Variants in KIF18A observed in about 807,000 individuals in gnomAD.
KIF18A encodes the protein kinesin-like protein KIF18A.
In KIF18A, 67 loss-of-function variants were observed where a neutral mutation model predicts 103.3. The ratio of observed to expected loss-of-function variants is 0.65; its 90% CI spans 0.53 to 0.79. The LOEUF is 0.79. Among genes scored for constraint, KIF18A ranks in the 30% least tolerant of loss-of-function variants. KIF18A has a pLI of 0.00. For missense variants in KIF18A, 1,032 were observed against 1,062.5 expected, an observed-to-expected ratio of 0.97 and a Z score of 0.40; for synonymous variants, 367 against 355.5, an observed-to-expected ratio of 1.03 and a Z score of -0.36.
intron 13 of KIF18A, among the ~76,000 whole-genome samples, chr11:28,039,914 A>G (rs374268032): frequency 6.6e-6 from 1 of 151,728 alleles, no homozygotes; most frequent in Admixed American, 6.6e-5. Context: ...CTCAATTATT[A>G]AGTTCAGATA....
At chr11:28,040,369 G>A (rs886577846) in intron 13 of KIF18A, among the ~76,000 whole-genome samples, 1 of 151,628 alleles carries the variant, frequency 6.6e-6, no homozygotes, top group Non-Finnish European at 1.5e-5. Context: ...AGAAGAGCAG[G>A]CATGGGACAG....
intron 11 of KIF18A, among the ~76,000 whole-genome samples, chr11:28,065,126 G>T (rs1338163052): frequency 6.6e-6 from 1 of 152,022 alleles, no homozygotes; most frequent in Non-Finnish European, 1.5e-5. Context: ...AAGAGAAGTG[G>T]ATAGATTCAG....
At chr11:28,075,216 C>A (rs1030670353) in intron 10 of KIF18A, among the ~76,000 whole-genome samples, 2 of 152,066 alleles carry the variant, frequency 1.3e-5, no homozygotes, top group Non-Finnish European at 2.9e-5. Context: ...CTTTATCCTG[C>A]ATTTGGTGTA....
At chr11:28,028,191 A>G (rs1178225320) in intron 15 of KIF18A, among the ~76,000 whole-genome samples, 1 of 152,086 alleles carries the variant, frequency 6.6e-6, no homozygotes, top group African/African-American at 2.4e-5. Flanking sequence ...ATAGACGTCT[A>G]CAGAACTCTC....
intron 13 of KIF18A, among the ~76,000 whole-genome samples, chr11:28,039,388 T>C (rs1850531607): frequency 6.6e-6 from 1 of 151,752 alleles, no homozygotes; most frequent in African/African-American, 2.4e-5. Context: ...GAAACAGGTA[T>C]ATATGTTCTT....
intron 13 of KIF18A, among the ~76,000 whole-genome samples, chr11:28,051,141 G>A (rs1850706557): frequency 6.6e-6 from 1 of 151,536 alleles, no homozygotes; most frequent in South Asian, 2.1e-4. Flanking sequence ...ATTTGATATT[G>A]GAAATATGTG....
chr11:28,091,262 G>A, intron 4 of KIF18A, 147 bp downstream of exon 4: 1 of 504,612 alleles, frequency 2.0e-6, no homozygotes, highest in Middle Eastern at 3.8e-4. Flanking sequence ...AACAAAATAA[G>A]ACTAAAAATA....
At chr11:28,041,704 G>A (rs1326685466) in intron 13 of KIF18A, among the ~76,000 whole-genome samples, 1 of 151,852 alleles carries the variant, frequency 6.6e-6, no homozygotes, top group East Asian at 1.9e-4. Flanking sequence ...TCGGTAACAA[G>A]GCTATTGCTA....
At chr11:28,052,285 G>A (rs553538858) in intron 13 of KIF18A, among the ~76,000 whole-genome samples, 2 of 152,040 alleles carry the variant, frequency 1.3e-5, no homozygotes, top group South Asian at 4.2e-4. Context: ...CCATGTCATG[G>A]CTCCTTGTTT....
At position 28,058,960 on chromosome 11, in the gene KIF18A, A is replaced by G. The variant is rs1213908362; in HGVS notation, c.1914T>C (p.Phe638=). ...DLPGISVLMT[F]PQLGPVQPIP... is the part of the protein sequence containing the mutation. ...TAGGCTGAACTGGTCCAAGTTGTGG[A>G]AAGGTCATAAGAACAGAAATCCCTG... is the stretch of plus-strand genomic sequence containing the variant. Residue 638 remains phenylalanine, a synonymous_variant, in exon 13 of 17, where the codon TTT becomes TTC. Transcript: ENST00000263181. The G allele has an allele frequency of 3.7e-6, 6 of 1,613,938 alleles. No homozygotes were observed. Among genetic ancestry groups the G allele is most frequent in the Middle Eastern group, 3.3e-4 (2 of 6,084 alleles).
At chr11:28,042,217 T>C (rs1393120895) in intron 13 of KIF18A, among the ~76,000 whole-genome samples, 1 of 151,780 alleles carries the variant, frequency 6.6e-6, no homozygotes, top group Non-Finnish European at 1.5e-5. Context: ...AGAACAAAAG[T>C]AGCAGATAGA....
chr11:28,039,328 G>T (rs1352580778), intron 13 of KIF18A, among the ~76,000 whole-genome samples: 1 of 151,634 alleles, frequency 6.6e-6, no homozygotes, highest in African/African-American at 2.4e-5. Flanking sequence ...CAGTTTATCA[G>T]ATATCCAGTT....
At chr11:28,063,264 C>CA (rs1249828831) in intron 11 of KIF18A, among the ~76,000 whole-genome samples, 2 of 151,986 alleles carry the variant, frequency 1.3e-5, no homozygotes, top group African/African-American at 4.8e-5. Flanking sequence ...AGAGCTGGAT[C>CA]AGATGATCTC....
rs767134484 is a variant in KIF18A, at chr11:28,051,570, A to C, written c.1948+7356T>G. ...TATGAATGGAAAGGCCTTTTGAGGA[A>C]AGATCCCGAAGGCAGTAAGAGAGAG... On this transcript the variant is annotated intron_variant, in intron 13 of 16. Transcript: ENST00000263181. 3.3e-5 allele frequency among the ~76,000 whole-genome samples: 5 copies of C among 152,092 alleles called. No individual in the cohort carries two copies. In the South Asian group the frequency reaches 8.3e-4, roughly 25 times the overall value.
chr11:28,053,941 C>T (rs1375155929), intron 13 of KIF18A, among the ~76,000 whole-genome samples: 2 of 146,492 alleles, frequency 1.4e-5, no homozygotes, highest in African/African-American at 2.5e-5. Context: ...AAAAAAAAAG[C>T]TCCTTCATTT....
intron 12 of KIF18A, 35 bp from the exon 13 acceptor site, chr11:28,059,196 A>T (rs374012104): frequency 6.0e-5 from 83 of 1,382,354 alleles, no homozygotes; most frequent in Non-Finnish European, 7.2e-6. Flanking sequence ...GGAGAGATAA[A>T]TATGACATTT....
chr11:28,064,672 T>C (rs1223592980), intron 11 of KIF18A, among the ~76,000 whole-genome samples: 1 of 152,030 alleles, frequency 6.6e-6, no homozygotes, highest in Admixed American at 6.6e-5. Flanking sequence ...GTCATTCTTT[T>C]AAAGAGACAA....
intron 13 of KIF18A, among the ~76,000 whole-genome samples, chr11:28,051,008 A>G (rs1445386723): frequency 1.3e-5 from 2 of 151,894 alleles, no homozygotes; most frequent in African/African-American, 2.4e-5. Context: ...AATACAAAAT[A>G]TTGTATCTAG....
At position 28,080,603 on chromosome 11, in the gene KIF18A, T is replaced by A. The variant is rs117350304; in HGVS notation, c.1262+2253A>T. 2.9e-3 allele frequency among the ~76,000 whole-genome samples: 436 copies of A among 152,220 alleles called. 3 individuals carry two copies. The highest frequency in any genetic ancestry group is 4.9e-3 in the Non-Finnish European group (331 of 68,002). On this transcript the variant is annotated intron_variant, in intron 9 of 16. Coordinates refer to ENST00000263181, the MANE Select transcript of KIF18A (RefSeq NM_031217.4). ...AGACAGTAAACTTAATCAAGTGTTGTGTGTGCTCTGACGGCTCCACTGACT... is the reference window on the plus strand; with the variant it reads ...AGACAGTAAACTTAATCAAGTGTTGAGTGTGCTCTGACGGCTCCACTGACT...
Sources: gnomAD v4.1 joint callset for allele counts (sites outside exome capture counted in the v4.1 genomes callset) on GRCh38, gnomAD v4.1.1 for gene constraint, MANE v1.5 for transcripts, NCBI Gene and HGNC (gene_info 2026-07-23, HGNC 2026-07-21) for gene names.